Variants in RFC3 observed in about 807,000 individuals in gnomAD.
RFC3 encodes A1 38 kDa subunit.
In RFC3, 41 loss-of-function variants were observed where a neutral mutation model predicts 45.1. That is an observed-to-expected ratio of 0.91 (90% confidence interval 0.71 to 1.18). The LOEUF (loss-of-function observed/expected upper bound fraction) is 1.18, where lower values mean the gene tolerates loss of function less well. Ranked by LOEUF, RFC3 falls within the 50% of genes most tolerant of loss-of-function variation. The pLI, the probability that RFC3 is intolerant of heterozygous loss-of-function variation, is 0.00. For missense variants in RFC3, 423 were observed against 428.1 expected (o/e 0.99, Z 0.10); for synonymous variants, 149 against 144.0 (o/e 1.03, Z -0.25).
At chr13:33,976,573 G>T in the RFC3 span, among the ~76,000 whole-genome samples, 1 of 152,128 alleles carries the variant, frequency 6.6e-6, no homozygotes, top group African/African-American at 2.4e-5. Flanking sequence ...GATTCATAAT[G>T]TTCTCATCAC....
intron 8 of RFC3, chr13:33,966,019 T>A (rs2083085895): frequency 2.7e-6 from 3 of 1,131,788 alleles, no homozygotes; most frequent in Non-Finnish European, 4.0e-6. Context: ...CTTTGTATCC[T>A]CTATGGAATC....
intron 8 of RFC3, among the ~76,000 whole-genome samples, chr13:33,904,730 A>C (rs998761718): frequency 3.3e-5 from 5 of 151,878 alleles, no homozygotes; most frequent in Non-Finnish European, 7.4e-5. Context: ...CTCTCGCCGC[A>C]ATTTCTTCCA....
At chr13:33,825,940 CTT>C in intron 4 of RFC3, 54 bp downstream of exon 4, 1 of 1,123,510 alleles carries the variant, frequency 8.9e-7, no homozygotes, top group South Asian at 1.5e-5. Context: ...AGTGCTCTCT[CTT>C]TTTTTTGAGT....
At chr13:33,905,416 T>A (rs527334925) in intron 8 of RFC3, among the ~76,000 whole-genome samples, 26 of 147,286 alleles carry the variant, frequency 1.8e-4, no homozygotes, top group Non-Finnish European at 3.4e-4. Context: ...CTTTCACTTG[T>A]GTTCTCTTTT....
At chr13:33,929,768 CT>C (rs1249594027) in intron 8 of RFC3, among the ~76,000 whole-genome samples, 1 of 151,920 alleles carries the variant, frequency 6.6e-6, no homozygotes, top group East Asian at 1.9e-4. Flanking sequence ...ATTTTCTGAA[CT>C]TTCCCCTATA....
At chr13:33,906,167 G>A (rs930511749) in intron 8 of RFC3, among the ~76,000 whole-genome samples, 6 of 152,224 alleles carry the variant, frequency 3.9e-5, no homozygotes, top group East Asian at 1.9e-4. Flanking sequence ...TTCTTAGGCT[G>A]TAATTCAGCT....
chr13:33,966,985 C>T (rs1475972833), downstream of RFC3, among the ~76,000 whole-genome samples: 6 of 151,916 alleles, frequency 3.9e-5, no homozygotes, highest in East Asian at 3.9e-4. Flanking sequence ...GGCGAAACCC[C>T]GTCTCTACTA....
intron 8 of RFC3, among the ~76,000 whole-genome samples, chr13:33,861,771 C>T (rs2082342605): frequency 6.6e-6 from 1 of 152,112 alleles, no homozygotes; most frequent in Non-Finnish European, 1.5e-5. Context: ...CTTAGAGGCT[C>T]CCAAAATGAT....
intron 8 of RFC3, among the ~76,000 whole-genome samples, chr13:33,954,741 C>A (rs1405996176): frequency 6.6e-6 from 1 of 152,140 alleles, no homozygotes; most frequent in Admixed American, 6.5e-5. Context: ...AAGCTCAGGT[C>A]TCTGAATTCC....
chr13:33,879,694 T>C (rs2082469992), intron 8 of RFC3, among the ~76,000 whole-genome samples: 1 of 152,248 alleles, frequency 6.6e-6, no homozygotes, highest in Admixed American at 6.5e-5. Flanking sequence ...CTCTATTAGA[T>C]TCCTATTGTT....
At chr13:33,962,631 A>G (rs1400548176) in intron 8 of RFC3, among the ~76,000 whole-genome samples, 1 of 152,242 alleles carries the variant, frequency 6.6e-6, no homozygotes, top group Non-Finnish European at 1.5e-5. Flanking sequence ...ATGCAACAAA[A>G]TACTATCCAA....
At chr13:33,864,530 C>G (rs1190801023) in intron 8 of RFC3, among the ~76,000 whole-genome samples, 2 of 151,968 alleles carry the variant, frequency 1.3e-5, no homozygotes, top group Non-Finnish European at 2.9e-5. Context: ...CTGAAGTGAG[C>G]TCATGAAGGG....
chr13:33,818,923 T>C (rs2081975445), intron 1 of RFC3, among the ~76,000 whole-genome samples: 1 of 139,988 alleles, frequency 7.1e-6, no homozygotes, highest in Non-Finnish European at 1.5e-5. Context: ...GGAGTTTAGC[T>C]GTTGTCGCCC....
At position 33,837,336 on chromosome 13, in the gene RFC3, A is replaced by G. The variant is rs985332889; in HGVS notation, c.*1041A>G. 2.0e-5 allele frequency: 3 copies of G among 152,074 alleles called. No homozygotes were observed. The highest frequency in any genetic ancestry group is 4.4e-5 in the Non-Finnish European group (3 of 67,996). 9.4% of individuals were successfully genotyped at this position (152,074 alleles called of 1,614,324 possible). The stretch of plus-strand genomic sequence containing the variant: ...TGTAAGCATTCTTGTGTAATACTTC[A>G]TTCTCTCTCATTATTGAGATTCATC... On this transcript the variant is annotated 3_prime_UTR_variant, in exon 9 of 9. Transcript: ENST00000380071.
chr13:33,942,998 A>G (rs1457899885), intron 8 of RFC3, among the ~76,000 whole-genome samples: 1 of 152,224 alleles, frequency 6.6e-6, no homozygotes, highest in Admixed American at 6.5e-5. Context: ...GGCTCCCATC[A>G]ATAATCATTG....
chr13:33,907,193 C>A (rs1315106936), intron 8 of RFC3, among the ~76,000 whole-genome samples: 3 of 151,962 alleles, frequency 2.0e-5, no homozygotes, highest in African/African-American at 7.2e-5. Context: ...TAGTTCTAAT[C>A]ATTTGTGGGG....
intron 8 of RFC3, among the ~76,000 whole-genome samples, chr13:33,881,961 C>T (rs2082487723): frequency 6.6e-6 from 1 of 152,176 alleles, no homozygotes; most frequent in African/African-American, 2.4e-5. Context: ...TCAGTTTGGC[C>T]TTTTACTGGC....
At position 33,834,329 on chromosome 13, in the gene RFC3, T is replaced by TATATATACACATAC. The variant is rs1300798923; in HGVS notation, c.810-817_810-816insATATACACATACAT. Among the ~76,000 whole-genome samples, 19 of 125,086 alleles carry TATATATACACATAC rather than the reference T, an allele frequency of 1.5e-4. 2 individuals carry two copies. Among genetic ancestry groups the TATATATACACATAC allele is most frequent in the Middle Eastern group, 8.8e-3 (2 of 228 alleles). The allele number at this position is 125,086 out of a possible 152,430, so 82.1% of individuals were successfully genotyped here. ...ATATATATATATATATATATATATA[T>TATATATACACATAC]ATCTGTACTGTAAAAATTCAGAAGT... On this transcript the variant is annotated intron_variant, in intron 7 of 8. Transcript: ENST00000380071.
intron 8 of RFC3, among the ~76,000 whole-genome samples, chr13:33,916,753 CAT>C (rs1166390180): frequency 3.4e-5 from 5 of 148,474 alleles, no homozygotes; most frequent in Non-Finnish European, 7.4e-5. Context: ...TATGTGTGTA[CAT>C]ATGAGTGTGC....
Sources: gnomAD v4.1 joint callset for allele counts (sites outside exome capture counted in the v4.1 genomes callset) on GRCh38, gnomAD v4.1.1 for gene constraint, MANE v1.5 for transcripts, NCBI Gene and HGNC (gene_info 2026-07-23, HGNC 2026-07-21) for gene names.